Variants in INTS3 observed in about 807,000 individuals in gnomAD.
INTS3 encodes SOSS complex subunit A.
In INTS3, 34 loss-of-function variants were observed where a neutral mutation model predicts 146.3. The ratio of observed to expected loss-of-function variants is 0.23; its 90% CI spans 0.18 to 0.31. The LOEUF is 0.31. INTS3 is among the 10% of genes least tolerant of loss of function. INTS3 has a pLI of 1.00. For synonymous variants in INTS3, 475 were observed against 494.9 expected, an observed-to-expected ratio of 0.96 and a Z score of 0.53; for missense variants, 757 against 1,304.2, an observed-to-expected ratio of 0.58 and a Z score of 6.46.
At chr1:153,758,324 T>A (rs1364176311) in intron 10 of INTS3, among the ~76,000 whole-genome samples, 1 of 152,206 alleles carries the variant, frequency 6.6e-6, no homozygotes, top group Non-Finnish European at 1.5e-5. Context: ...ATGTGCTGAT[T>A]CAGATATGAC....
rs1672506927 is a variant in INTS3, at chr1:153,764,657, C to T, written c.1926-33C>T. On this transcript the variant is annotated intron_variant, in intron 18 of 29. Transcript: ENST00000318967. ...CCGTATGTGCCAGCAGCCCCCCTCA[C>T]ATGGATTCTCAAATATAACCCTCTT... The T allele has an allele frequency of 5.8e-6, 9 of 1,549,222 alleles. No homozygotes were observed. In the African/African-American group the frequency reaches 9.5e-5, roughly 16 times the overall value.
intron 22 of INTS3, among the ~76,000 whole-genome samples, chr1:153,769,550 TC>T (rs2101829031): frequency 6.6e-6 from 1 of 152,192 alleles, no homozygotes; most frequent in African/African-American, 2.4e-5. Flanking sequence ...CCCAAAATAG[TC>T]CTAAGGTTCC....
chr1:153,742,492 G>GTGTGTGTGTGTGTGTGTGTA (rs1483851387), intron 3 of INTS3, among the ~76,000 whole-genome samples: 2 of 151,952 alleles, frequency 1.3e-5, no homozygotes, highest in African/African-American at 4.8e-5. Context: ...GTGTGTGTGT[G>GTGTGTGTGTGTGTGTGTGTA]TGTGTGTGTG....
At chr1:153,737,139 T>C (rs549542956) in intron 1 of INTS3, among the ~76,000 whole-genome samples, 8 of 152,314 alleles carry the variant, frequency 5.3e-5, no homozygotes, top group South Asian at 2.1e-4. Flanking sequence ...TAGAACCACT[T>C]CTCAATAAGA....
intron 20 of INTS3, among the ~76,000 whole-genome samples, chr1:153,765,299 C>G (rs552033329): frequency 4.6e-5 from 7 of 152,192 alleles, no homozygotes; most frequent in Admixed American, 4.6e-4. Flanking sequence ...CATCCTCCCC[C>G]CTCAGCATCC....
chr1:153,740,511 C>T, intron 1 of INTS3, 140 bp from the exon 2 acceptor site: 1 of 658,688 alleles, frequency 1.5e-6, no homozygotes, highest in South Asian at 1.7e-5. Context: ...CTGGTTTTAT[C>T]CTCATGGTGA....
At chr1:153,766,264 G>A (rs1410791610) in intron 20 of INTS3, among the ~76,000 whole-genome samples, 1 of 151,150 alleles carries the variant, frequency 6.6e-6, no homozygotes, top group Non-Finnish European at 1.5e-5. Flanking sequence ...TGGGATTACA[G>A]GCACAGATCT....
chr1:153,767,668 T>C lies in INTS3; in HGVS notation c.2091-6T>C, dbSNP rs764694732. On this transcript the variant is annotated splice_polypyrimidine_tract_variant and splice_region_variant and intron_variant, in intron 20 of 29. Transcript: ENST00000318967. Reference sequence around the variant, plus strand: ...GCTGCTGGCTCAGGCCCAGCTGGTCTTGCAGCAAAGCCGCCGCAGGGAAGA... The same window carrying C: ...GCTGCTGGCTCAGGCCCAGCTGGTCCTGCAGCAAAGCCGCCGCAGGGAAGA... 4 of 1,574,120 alleles carry C rather than the reference T, an allele frequency of 2.5e-6. No individual in the cohort carries two copies. The highest frequency in any genetic ancestry group is 3.5e-6 in the Non-Finnish European group (4 of 1,154,122).
At chr1:153,762,454 C>T (rs1440520525) in intron 14 of INTS3, among the ~76,000 whole-genome samples, 1 of 152,142 alleles carries the variant, frequency 6.6e-6, no homozygotes, top group Non-Finnish European at 1.5e-5. Context: ...TCGGACTGTC[C>T]CTGATCTTAC....
At chr1:153,741,262 T>C in intron 2 of INTS3, 23 bp from the exon 3 acceptor site, 5 of 1,587,398 alleles carry the variant, frequency 3.1e-6, no homozygotes, top group Non-Finnish European at 4.3e-6. Flanking sequence ...ACAACTAGTT[T>C]GTTTTCCTTT....
rs565900856 is a variant in INTS3 at position 153,750,852 on chromosome 1, T to G, written c.585-243T>G. On this transcript the variant is annotated intron_variant, in intron 6 of 29. Coordinates refer to ENST00000318967, the MANE Select transcript of INTS3 (RefSeq NM_023015.5). ...GTTAGGTGGTAAAAAGAGATTGCTT[T>G]CATTTGGCACTTATCTTTATAGGCA... The G allele has an allele frequency of 4.7e-5, 22 of 464,718 alleles. No individual in the cohort carries two copies. In the South Asian group the frequency reaches 9.3e-4, roughly 20 times the overall value. 28.8% of individuals were successfully genotyped at this position (464,718 alleles called of 1,614,324 possible).
At chr1:153,748,655 C>T (rs1270347093) in intron 5 of INTS3, 34 bp from the exon 6 acceptor site, 14 of 1,573,830 alleles carry the variant, frequency 8.9e-6, no homozygotes, top group African/African-American at 4.1e-5. Context: ...ACTTGCTAAT[C>T]GGAGCTATTC....
At chr1:153,768,102 CT>C (rs1672669343) in intron 21 of INTS3, among the ~76,000 whole-genome samples, 1 of 152,226 alleles carries the variant, frequency 6.6e-6, no homozygotes, top group Admixed American at 6.5e-5. Flanking sequence ...GCCCCATCAT[CT>C]GGACCCAGGA....
At chr1:153,739,539 C>G (rs1037713924) in intron 1 of INTS3, among the ~76,000 whole-genome samples, 1 of 150,680 alleles carries the variant, frequency 6.6e-6, no homozygotes, top group Admixed American at 6.6e-5. Flanking sequence ...TCTCCATGTT[C>G]GTCAGGCTGG....
chr1:153,739,429 G>A (rs373566606), intron 1 of INTS3, among the ~76,000 whole-genome samples: 4 of 150,574 alleles, frequency 2.7e-5, no homozygotes, highest in African/African-American at 9.8e-5. Flanking sequence ...CTCGACCTCT[G>A]CCTCCTGGGT....
At chr1:153,771,708 G>C in intron 25 of INTS3, 88 bp from the exon 26 acceptor site, 1 of 1,331,722 alleles carries the variant, frequency 7.5e-7, no homozygotes, top group Non-Finnish European at 1.0e-6. Flanking sequence ...TGGGTGGGGA[G>C]GCCAGGGCTT....
chr1:153,769,495 G>C (rs1433420338), intron 22 of INTS3, among the ~76,000 whole-genome samples: 1 of 151,888 alleles, frequency 6.6e-6, no homozygotes, highest in African/African-American at 2.4e-5. Flanking sequence ...AGCCTCTCAG[G>C]GTCCTTTCCT....
In INTS3 at chr1:153,771,910, G is replaced by A; in HGVS notation, c.2667G>A (p.Glu889=). 6.2e-7 allele frequency: 1 copy of A among 1,614,068 alleles called. No individual in the cohort carries two copies. The highest frequency in any genetic ancestry group is 8.5e-7 in the Non-Finnish European group (1 of 1,179,992). The part of the protein sequence containing the change: ...WCMKHDELLA[E]HIKSLLIKNN... Reference sequence around the variant, plus strand: ...TGAAACATGACGAGCTGCTGGCCGAGCACATCAAGTCCCTGCTCATCAAGA... The same window carrying A: ...TGAAACATGACGAGCTGCTGGCCGAACACATCAAGTCCCTGCTCATCAAGA... The change falls in exon 26 of 30, where the codon GAG becomes GAA. Residue 889 remains glutamate, a synonymous_variant. Coordinates refer to ENST00000318967, the MANE Select transcript of INTS3 (RefSeq NM_023015.5).
At chr1:153,739,546 C>T (rs1363996728) in intron 1 of INTS3, among the ~76,000 whole-genome samples, 1 of 151,320 alleles carries the variant, frequency 6.6e-6, no homozygotes, top group African/African-American at 2.4e-5. Flanking sequence ...GTTCGTCAGG[C>T]TGGTCTCGAA....
Sources: gnomAD v4.1 joint callset for allele counts (sites outside exome capture counted in the v4.1 genomes callset) on GRCh38, gnomAD v4.1.1 for gene constraint, MANE v1.5 for transcripts, NCBI Gene and HGNC (gene_info 2026-07-23, HGNC 2026-07-21) for gene names.